Variants in FZR1 observed in about 807,000 individuals in gnomAD.
FZR1 encodes the protein fizzy-related protein homolog.
A neutral mutation model predicts 63.6 loss-of-function variants in FZR1; 11 were observed. The ratio of observed to expected loss-of-function variants is 0.17; its 90% CI spans 0.11 to 0.29. The LOEUF is 0.29. Among genes scored for constraint, FZR1 ranks in the 10% least tolerant of loss-of-function variants. The pLI is 1.00. For missense variants in FZR1, 440 were observed against 687.5 expected (o/e 0.64, Z 4.03); for synonymous variants, 328 against 297.9 (o/e 1.10, Z -1.04).
intron 1 of FZR1, among the ~76,000 whole-genome samples, chr19:3,507,075 C>T (rs563346994): frequency 6.6e-6 from 1 of 152,288 alleles, no homozygotes; most frequent in African/African-American, 2.4e-5. Context: ...TTGTGTCCAC[C>T]AGTCCCCGCA....
chr19:3,526,815 C>T lies in FZR1; in HGVS notation c.388-165C>T, dbSNP rs1807165813. On this transcript the variant is annotated intron_variant, in intron 5 of 13. Transcript: ENST00000441788. This position sits in a 1 kb window ranked among gnomAD's most constrained non-coding sequence, Gnocchi z 5.4. ...GAGAGGGCGGGAGGGGTGGGGGGTC[C>T]GCAGTCCCCGCCAGGAAGGCGCCTG... Among the ~76,000 whole-genome samples the T allele has an allele frequency of 6.6e-6, 1 of 152,170 alleles. No homozygotes were observed. The highest frequency in any genetic ancestry group is 6.5e-5 in the Admixed American group (1 of 15,282).
chr19:3,526,499 C>T lies in FZR1; in HGVS notation c.387+113C>T. ...CGAGCCCGGTTCTCGGGCCCAGCCA[C>T]GGCTCAGCACCCCCGCCCTGACCCT... On this transcript the variant is annotated intron_variant, in intron 5 of 13. Transcript: ENST00000441788. The surrounding 1 kb of genome is among the most constrained non-coding windows in gnomAD (Gnocchi z 5.4). 2.5e-6 allele frequency: 2 copies of T among 806,304 alleles called. No homozygotes were observed. The highest frequency in any genetic ancestry group is 1.6e-5 in the South Asian group (1 of 60,842). 49.9% of individuals were successfully genotyped at this position (806,304 alleles called of 1,614,324 possible).
At chr19:3,529,681 T>G (rs2083211641) in intron 7 of FZR1, among the ~76,000 whole-genome samples, 1 of 125,164 alleles carries the variant, frequency 8.0e-6, no homozygotes, top group Admixed American at 7.9e-5. Flanking sequence ...TGAGAGTGGT[T>G]GAGGGAGTGG....
intron 7 of FZR1, among the ~76,000 whole-genome samples, chr19:3,529,980 G>A (rs1281675997): frequency 7.9e-6 from 1 of 126,326 alleles, no homozygotes; most frequent in Non-Finnish European, 1.7e-5. Context: ...GTGGTTGAGG[G>A]AGTGGATGGT....
intron 1 of FZR1, among the ~76,000 whole-genome samples, chr19:3,509,997 G>C (rs1795360771): frequency 6.6e-6 from 1 of 152,060 alleles, no homozygotes; most frequent in Non-Finnish European, 1.5e-5. Context: ...GATCGTGTCT[G>C]ATGGTGTCAA....
At chr19:3,524,191 T>C (rs1308612415) in intron 2 of FZR1, among the ~76,000 whole-genome samples, 1 of 152,018 alleles carries the variant, frequency 6.6e-6, no homozygotes, top group Non-Finnish European at 1.5e-5. Flanking sequence ...CGACCCTCGG[T>C]CTCCAGAGCA....
chr19:3,530,743 C>G (rs745565655), intron 7 of FZR1, 49 bp from the exon 8 acceptor site: 26 of 1,440,452 alleles, frequency 1.8e-5, no homozygotes, highest in Non-Finnish European at 9.7e-7. Context: ...CATGGATAGA[C>G]TGGGGCTTCG....
At position 3,524,762 on chromosome 19, in the gene FZR1, C is replaced by T. The variant is rs113531785; in HGVS notation, c.70-1106C>T. 4.0e-3 allele frequency among the ~76,000 whole-genome samples: 612 copies of T among 152,254 alleles called. 3 individuals are homozygous for T. Among genetic ancestry groups the T allele is most frequent in the African/African-American group, 0.014 (599 of 41,540 alleles). ...CCAGCTTCTGGGGGCTCCTGCTATC[C>T]GTGGCTGTGACCACGTCCCTCTGGC... On this transcript the variant is annotated intron_variant, in intron 2 of 13. Coordinates refer to ENST00000441788, the MANE Select transcript of FZR1 (RefSeq NM_016263.4).
At chr19:3,508,845 G>C (rs754905858) in intron 1 of FZR1, among the ~76,000 whole-genome samples, 1 of 152,202 alleles carries the variant, frequency 6.6e-6, no homozygotes, top group Non-Finnish European at 1.5e-5. Context: ...GAACGGCCCA[G>C]TACAGAAAGC....
At chr19:3,524,053 C>T (rs541346670) in intron 2 of FZR1, among the ~76,000 whole-genome samples, 15 of 152,306 alleles carry the variant, frequency 9.8e-5, no homozygotes, top group African/African-American at 2.9e-4. Context: ...AGAAAAGTGG[C>T]GTAGAATTAG....
chr19:3,518,011 C>CTTTTTT (rs1220242480), intron 1 of FZR1, among the ~76,000 whole-genome samples: 11 of 109,522 alleles, frequency 1.0e-4, no homozygotes, highest in Non-Finnish European at 1.7e-4. Context: ...CTGTTTCTTT[C>CTTTTTT]TTTTTTTTTT....
At chr19:3,534,554 G>T in intron 13 of FZR1, 41 bp downstream of exon 13, 1 of 1,355,252 alleles carries the variant, frequency 7.4e-7, no homozygotes, top group Non-Finnish European at 1.0e-6. Flanking sequence ...CCCCGCCCCA[G>T]CCTGTCCCAG....
Position 3,526,701 on chromosome 19 carries a change from T to C in FZR1, c.388-279T>C, listed in dbSNP as rs2286545. ...TGGGGGTCCTGCCCGTAGGGGGCAG[T>C]ACTGGGTCCTCCCACAGGGCCCCAC... On this transcript the variant is annotated intron_variant, in intron 5 of 13. Transcript: ENST00000441788. The surrounding 1 kb of genome is among the most constrained non-coding windows in gnomAD (Gnocchi z 5.4). 0.57 allele frequency among the ~76,000 whole-genome samples: 86,203 copies of C among 152,020 alleles called. 26,111 individuals are homozygous for C. The highest frequency in any genetic ancestry group is 0.84 in the East Asian group (4,321 of 5,138).
In FZR1 at chr19:3,525,733, C is replaced by T. The variant is rs1255593083; in HGVS notation, c.70-135C>T. ...CTGGGATTACGGGCGTGAGCCACCGCGCCTGGCCCACCCCTTGGGTTTTCA... is the reference window on the plus strand; with the variant it reads ...CTGGGATTACGGGCGTGAGCCACCGTGCCTGGCCCACCCCTTGGGTTTTCA... On this transcript the variant is annotated intron_variant, in intron 2 of 13. Coordinates refer to ENST00000441788, the MANE Select transcript of FZR1 (RefSeq NM_016263.4). The surrounding 1 kb of genome is among the most constrained non-coding windows in gnomAD (Gnocchi z 4.2). The T allele has an allele frequency of 3.6e-5, 39 of 1,072,518 alleles. No individual in the cohort carries two copies. In the South Asian group the frequency reaches 5.7e-4, roughly 16 times the overall value. The allele number at this position is 1,072,518 out of a possible 1,614,324, so 66.4% of individuals were successfully genotyped here.
chr19:3,534,330 G>C lies in FZR1; in HGVS notation c.1348-91G>C, dbSNP rs45600340. On this transcript the variant is annotated intron_variant, in intron 12 of 13. Coordinates refer to ENST00000441788, the MANE Select transcript of FZR1 (RefSeq NM_016263.4). ...CAGAGTCTGGGGGGCCCAGCCACCC[G>C]ACACCTTGCTCCCCTCTCCTTCAGT... 19,343 of 619,148 alleles carry C rather than the reference G, an allele frequency of 0.031. 2,691 individuals are homozygous for C. In the African/African-American group the frequency reaches 0.32, roughly 10 times the overall value. The allele number at this position is 619,148 out of a possible 1,614,324, so 38.4% of individuals were successfully genotyped here.
rs1407142268 is a variant in FZR1, at chr19:3,536,857, G to C, written c.*2021G>C. 2 of 152,238 alleles carry C rather than the reference G, an allele frequency of 1.3e-5. No homozygotes were observed. The highest frequency in any genetic ancestry group is 4.1e-4 in the South Asian group (2 of 4,834). The allele number at this position is 152,238 out of a possible 1,614,324, so 9.4% of individuals were successfully genotyped here. A position where few individuals can be genotyped will look rare whatever the true frequency, so the allele number is the denominator to read the frequency against. On this transcript the variant is annotated 3_prime_UTR_variant, in exon 14 of 14. Coordinates refer to ENST00000441788, the MANE Select transcript of FZR1 (RefSeq NM_016263.4). ...TGGAGCTGCAGAAGCAGCTTCTGAG[G>C]GGCTTCCCAGGCCTGCATTTCACAG...
rs538601576 is a variant in FZR1, at chr19:3,526,420, C to T, written c.387+34C>T. ...GCGGCACCCCCCACCCGGGAGCTGG[C>T]TCCCAGTGCAGCCTCCCCGGCCCCC... On this transcript the variant is annotated intron_variant, in intron 5 of 13. Transcript: ENST00000441788. This position sits in a 1 kb window ranked among gnomAD's most constrained non-coding sequence, Gnocchi z 5.4. 1.3e-6 allele frequency: 2 copies of T among 1,532,796 alleles called. No homozygotes were observed. The highest frequency in any genetic ancestry group is 1.4e-5 in the African/African-American group (1 of 73,062). 94.9% of individuals were successfully genotyped at this position (1,532,796 alleles called of 1,614,324 possible). A position where few individuals can be genotyped will look rare whatever the true frequency, so the allele number is the denominator to read the frequency against.
chr19:3,530,285 GGA>G (rs2083229806), intron 7 of FZR1, among the ~76,000 whole-genome samples: 17 of 135,176 alleles, frequency 1.3e-4, no homozygotes, highest in Admixed American at 2.2e-4. Flanking sequence ...AGAGCGGATG[GGA>G]GAGCGCAGGG....
chr19:3,520,193 A>T (rs1599777776), intron 1 of FZR1, among the ~76,000 whole-genome samples: 1 of 152,046 alleles, frequency 6.6e-6, no homozygotes, highest in Non-Finnish European at 1.5e-5. Flanking sequence ...TGTGGTGGGG[A>T]CACATGGGCC....
Sources: allele counts gnomAD v4.1 joint callset (sites outside exome capture counted in the v4.1 genomes callset), GRCh38; gene constraint gnomAD v4.1.1; non-coding constraint Gnocchi (gnomAD v3.1); transcripts MANE v1.5; gene names NCBI Gene and HGNC (gene_info 2026-07-23, HGNC 2026-07-21).